The following SLC26A4 variants were observed in gnomAD, a reference collection of about 807,000 sequenced individuals.
SLC26A4 encodes pendrin.
In SLC26A4, 93 loss-of-function variants were observed where a neutral mutation model predicts 90.4. The observed-to-expected ratio is 1.03, with a 90% confidence interval of 0.87 to 1.22. SLC26A4 has a LOEUF of 1.22. SLC26A4 is among the 50% of genes most tolerant of loss of function. The pLI is 0.00. For synonymous variants in SLC26A4, 393 were observed against 354.6 expected (o/e 1.11, Z -1.22); for missense variants, 1,127 against 946.2 (o/e 1.19, Z -2.51).
intron 14 of SLC26A4, among the ~76,000 whole-genome samples, chr7:107,699,350 T>C (rs192016582): frequency 9.6e-4 from 146 of 152,312 alleles, no homozygotes; most frequent in Non-Finnish European, 1.5e-3. Context: ...ATTTTGGGTG[T>C]GGCCATTGTA....
intron 6 of SLC26A4, among the ~76,000 whole-genome samples, chr7:107,682,130 A>AAAAAG (rs1491372077): frequency 2.7e-4 from 20 of 73,406 alleles, no homozygotes; most frequent in African/African-American, 1.0e-3. Flanking sequence ...AAAAAAAAAA[A>AAAAAG]TTTTTTTTAT....
intron 6 of SLC26A4, among the ~76,000 whole-genome samples, chr7:107,680,614 A>G (rs1299507038): frequency 6.6e-6 from 1 of 151,602 alleles, no homozygotes; most frequent in African/African-American, 2.4e-5. Flanking sequence ...ATGACTACTC[A>G]ATATGTAGGC....
chr7:107,689,621 A>T (rs1397448460), intron 9 of SLC26A4, among the ~76,000 whole-genome samples: 1 of 152,222 alleles, frequency 6.6e-6, no homozygotes, highest in Non-Finnish European at 1.5e-5. Context: ...TAATATATAC[A>T]GGCAATTTTT....
chr7:107,700,085 T>A lies in SLC26A4; in HGVS notation c.1617T>A (p.Ile539=), dbSNP rs1276433236. The A allele has an allele frequency of 2.0e-6, 3 of 1,514,738 alleles. No homozygotes were observed. The Admixed American group carries it at 5.0e-5, about 25-fold the overall frequency. 93.8% of individuals were successfully genotyped at this position (1,514,738 alleles called of 1,614,324 possible). Residue 539 remains isoleucine, a splice_region_variant and synonymous_variant, in exon 15 of 21, where the codon ATT becomes ATA. Transcript: ENST00000644269. ...IYKSTKNYKN[I]EEPQGVKILR... ...CAGACAATTTCTTTTAATGCCAGAT[T>A]GAAGAACCTCAAGGAGTGAAGATTC...
chr7:107,710,769 T>C (rs1792163351), intron 19 of SLC26A4, among the ~76,000 whole-genome samples: 1 of 152,188 alleles, frequency 6.6e-6, no homozygotes, highest in Non-Finnish European at 1.5e-5. Flanking sequence ...ATGGGTATTA[T>C]TTTGTTAATT....
At chr7:107,696,820 A>G (rs1791756266) in intron 13 of SLC26A4, among the ~76,000 whole-genome samples, 1 of 152,200 alleles carries the variant, frequency 6.6e-6, no homozygotes, top group African/African-American at 2.4e-5. Flanking sequence ...AGGGGAACAG[A>G]GTCTTTCTCT....
chr7:107,702,602 T>C (rs984292851), intron 17 of SLC26A4, among the ~76,000 whole-genome samples: 2 of 149,790 alleles, frequency 1.3e-5, no homozygotes, highest in Admixed American at 6.7e-5. Context: ...GGCAGGAGAA[T>C]CGCTTGAACC....
chr7:107,690,359 T>A, intron 10 of SLC26A4, 122 bp downstream of exon 10: 1 of 723,810 alleles, frequency 1.4e-6, no homozygotes, highest in Non-Finnish European at 2.5e-6. Context: ...CCTAATCTGA[T>A]TCACCTCAGG....
chr7:107,681,510 T>A (rs1791229008), intron 6 of SLC26A4, among the ~76,000 whole-genome samples: 1 of 152,212 alleles, frequency 6.6e-6, no homozygotes. Context: ...TGTTATAAAC[T>A]ATAAGATGCT....
At chr7:107,669,536 C>A (rs1562821435) in intron 3 of SLC26A4, among the ~76,000 whole-genome samples, 1 of 152,200 alleles carries the variant, frequency 6.6e-6, no homozygotes, top group South Asian at 2.1e-4. Flanking sequence ...GAGTCACCTT[C>A]CTATTTTATT....
Position 107,661,201 on chromosome 7 carries a change from G to A in SLC26A4, c.-4+346G>A, listed in dbSNP as rs916931539. 3.3e-5 allele frequency: 7 copies of A among 209,046 alleles called. No homozygotes were observed. The highest frequency in any genetic ancestry group is 5.7e-5 in the Admixed American group (1 of 17,620). The allele number at this position is 209,046 out of a possible 1,614,324, so 12.9% of individuals were successfully genotyped here. A position where few individuals can be genotyped will look rare whatever the true frequency, so the allele number is the denominator to read the frequency against. Reference sequence around the variant, plus strand: ...CAGTGCGCACCTGGAGCTGCGTCCCGGGTCAGGTGCGGGGAGGGAGGGAAT... The same window carrying A: ...CAGTGCGCACCTGGAGCTGCGTCCCAGGTCAGGTGCGGGGAGGGAGGGAAT... On this transcript the variant is annotated intron_variant, in intron 1 of 20. Transcript: ENST00000644269. This position sits in a 1 kb window ranked among gnomAD's most constrained non-coding sequence, Gnocchi z 5.1.
At chr7:107,683,071 T>C in intron 6 of SLC26A4, 131 bp from the exon 7 acceptor site, 2 of 696,808 alleles carry the variant, frequency 2.9e-6, no homozygotes, top group Non-Finnish European at 4.9e-6. Flanking sequence ...CTTTTGAGTG[T>C]TGTTTGATGC....
chr7:107,670,204 G>A (rs190880303), intron 3 of SLC26A4, among the ~76,000 whole-genome samples: 1 of 151,702 alleles, frequency 6.6e-6, no homozygotes, highest in East Asian at 1.9e-4. Flanking sequence ...CCGCCTCCTG[G>A]GTTCAAGCAG....
rs778692337 is a variant in SLC26A4, at chr7:107,661,915, TG to T, written c.164+113del. 3.2e-4 allele frequency: 401 copies of T among 1,250,696 alleles called. No homozygotes were observed. The highest frequency in any genetic ancestry group is 4.2e-4 in the Non-Finnish European group (384 of 924,902). The allele number at this position is 1,250,696 out of a possible 1,614,324, so 77.5% of individuals were successfully genotyped here. A position where few individuals can be genotyped will look rare whatever the true frequency, so the allele number is the denominator to read the frequency against. On this transcript the variant is annotated intron_variant, in intron 2 of 20. Coordinates refer to ENST00000644269, the MANE Select transcript of SLC26A4 (RefSeq NM_000441.2). The surrounding 1 kb of genome is among the most constrained non-coding windows in gnomAD (Gnocchi z 5.1). The stretch of plus-strand genomic sequence containing the variant: ...AGTGGGGTGCGGGCGGCGGAGCCCC[TG>T]GGCGCCAGCTGCTTCTCCCAGAGGC...
chr7:107,711,073 GGA>G (rs201858195), intron 19 of SLC26A4, among the ~76,000 whole-genome samples: 1,739 of 151,844 alleles, frequency 0.011, 30 homozygotes, highest in African/African-American at 0.04. Context: ...CACTGGTAGT[GGA>G]GAGATTGTTC....
rs1790880851 is a variant in SLC26A4, at chr7:107,672,020, C to T, written c.305-118C>T. On this transcript the variant is annotated intron_variant, in intron 3 of 20. Transcript: ENST00000644269. ...CTTAAAGTATGGTTTCTACTGAATG[C>T]ATATTGCTTTTGCATCATCATAAAG... The T allele has an allele frequency of 5.8e-5, 42 of 720,014 alleles. 1 individual carries two copies. The South Asian group carries it at 6.0e-4, about 10-fold the overall frequency. The allele number at this position is 720,014 out of a possible 1,614,324, so 44.6% of individuals were successfully genotyped here.
intron 6 of SLC26A4, among the ~76,000 whole-genome samples, chr7:107,679,384 TG>T (rs1384012531): frequency 6.6e-6 from 1 of 152,124 alleles, no homozygotes; most frequent in Admixed American, 6.6e-5. Flanking sequence ...ACAAAAGATA[TG>T]GAAGGAAATG....
intron 6 of SLC26A4, among the ~76,000 whole-genome samples, chr7:107,682,665 C>A (rs1791273771): frequency 6.6e-6 from 1 of 151,882 alleles, no homozygotes. Context: ...AGAAAGAACA[C>A]ACACACACAC....
chr7:107,686,399 T>A (rs2129315206), intron 8 of SLC26A4, among the ~76,000 whole-genome samples: 1 of 141,198 alleles, frequency 7.1e-6, no homozygotes, highest in South Asian at 2.4e-4. Flanking sequence ...CCTTCCTCTC[T>A]CTCTTTTTTC....
Sources: allele counts gnomAD v4.1 joint callset (sites outside exome capture counted in the v4.1 genomes callset), GRCh38; gene constraint gnomAD v4.1.1; non-coding constraint Gnocchi (gnomAD v3.1); transcripts MANE v1.5; gene names NCBI Gene and HGNC (gene_info 2026-07-23, HGNC 2026-07-21).